The following COL15A1 variants were observed in gnomAD, a reference collection of about 807,000 sequenced individuals.
The protein encoded by COL15A1 is collagen type XV alpha 1 chain.
In COL15A1, 111 loss-of-function variants were observed where a neutral mutation model predicts 165.9. The observed-to-expected ratio is 0.67, with a 90% CI of 0.57 to 0.78. COL15A1 has a LOEUF of 0.78. COL15A1 is among the 30% of genes least tolerant of loss of function. COL15A1 has a pLI of 0.00. For synonymous variants in COL15A1, 659 were observed against 674.8 expected (o/e 0.98, Z 0.36); for missense variants, 1,745 against 1,789.7 (o/e 0.98, Z 0.45).
chr9:99,065,871 G>A (rs1402243067), intron 39 of COL15A1, among the ~76,000 whole-genome samples: 1 of 151,646 alleles, frequency 6.6e-6, no homozygotes, highest in Non-Finnish European at 1.5e-5. Context: ...GCTGGAAGCT[G>A]GAGAAGCAGA....
chr9:98,992,789 A>G (rs1838466916), intron 5 of COL15A1, among the ~76,000 whole-genome samples: 1 of 152,210 alleles, frequency 6.6e-6, no homozygotes. Context: ...CAGGGTAGTG[A>G]AGTCAGGACT....
chr9:98,953,803 T>C (rs1837730245), intron 2 of COL15A1, among the ~76,000 whole-genome samples: 1 of 152,186 alleles, frequency 6.6e-6, no homozygotes, highest in East Asian at 1.9e-4. Flanking sequence ...GGGACTCAAA[T>C]GGGGCCCAGC....
At chr9:98,985,032 T>G in intron 2 of COL15A1, among the ~76,000 whole-genome samples, 1 of 152,252 alleles carries the variant, frequency 6.6e-6, no homozygotes, top group Non-Finnish European at 1.5e-5. Flanking sequence ...CCTCAAGTGA[T>G]CCACCCACCT....
Position 98,973,472 on chromosome 9 carries a change from A to C in COL15A1, c.101-12093A>C, listed in dbSNP as rs193158054. 3.3e-5 allele frequency among the ~76,000 whole-genome samples: 5 copies of C among 152,364 alleles called. No homozygotes were observed. In the East Asian group the frequency reaches 9.6e-4, roughly 29 times the overall value. ...AGGATTTTTTCCCTGGCAAGGAAAC[A>C]GTTCTTTTTTAAGAAATGCATCGGG... On this transcript the variant is annotated intron_variant, in intron 2 of 41. Transcript: ENST00000375001.
At chr9:98,991,047 C>T (rs1838415257) in intron 5 of COL15A1, among the ~76,000 whole-genome samples, 1 of 152,272 alleles carries the variant, frequency 6.6e-6, no homozygotes, top group African/African-American at 2.4e-5. Flanking sequence ...GTTGTTTGTT[C>T]CTCCCGGTGG....
chr9:99,032,574 T>C (rs1053045048), intron 16 of COL15A1, among the ~76,000 whole-genome samples: 1 of 152,230 alleles, frequency 6.6e-6, no homozygotes, highest in African/African-American at 2.4e-5. Context: ...TGCCTTTTAA[T>C]CTGGAGACTT....
At chr9:98,991,326 T>G (rs1414735489) in intron 5 of COL15A1, among the ~76,000 whole-genome samples, 1 of 152,170 alleles carries the variant, frequency 6.6e-6, no homozygotes. Context: ...TACAGAGAGC[T>G]GATTGGTCCG....
chr9:99,031,231 C>CA (rs1839208998), intron 16 of COL15A1, among the ~76,000 whole-genome samples: 1 of 152,190 alleles, frequency 6.6e-6, no homozygotes, highest in African/African-American at 2.4e-5. Context: ...CCTGGTGCCT[C>CA]ACCTGGGAGC....
At chr9:99,055,198 G>C in intron 33 of COL15A1, 47 bp downstream of exon 33, 2 of 1,593,806 alleles carry the variant, frequency 1.3e-6, no homozygotes, top group African/African-American at 1.3e-5. Context: ...TCAGGTTTTG[G>C]TTTATGTCAG....
chr9:99,046,106 TG>T (rs139363996), intron 26 of COL15A1, among the ~76,000 whole-genome samples: 1,563 of 152,276 alleles, frequency 0.01, 21 homozygotes, highest in African/African-American at 0.036. Context: ...TAGTTAGTGG[TG>T]GGGGTCAGCA....
chr9:98,945,980 G>A (rs916762303), intron 2 of COL15A1, among the ~76,000 whole-genome samples: 6 of 152,202 alleles, frequency 3.9e-5, no homozygotes, highest in African/African-American at 1.4e-4. Flanking sequence ...GGGAGGGCCA[G>A]CAAACCTTCA....
chr9:99,015,770 G>T (rs1328274454), intron 10 of COL15A1, among the ~76,000 whole-genome samples: 1 of 152,236 alleles, frequency 6.6e-6, no homozygotes, highest in Admixed American at 6.5e-5. Flanking sequence ...CCTTGCCCAA[G>T]AATTTACTCA....
chr9:99,042,173 T>A, intron 24 of COL15A1, 66 bp downstream of exon 24: 1 of 1,097,860 alleles, frequency 9.1e-7, no homozygotes. Context: ...TCAGATTGGC[T>A]GAAAATAGCT....
chr9:98,999,623 G>A (rs1465001688), intron 6 of COL15A1, among the ~76,000 whole-genome samples: 1 of 149,384 alleles, frequency 6.7e-6, no homozygotes, highest in Non-Finnish European at 1.5e-5. Flanking sequence ...TCCCAGGCAT[G>A]AGCTCCCTCC....
rs1038854426 is a variant in COL15A1 at position 98,943,930 on chromosome 9, C to G, written c.-132C>G. ...GGATTCTGCCCGCCGCCGCCGCTGC[C>G]GAGCGCCGCCTTTGTTCCCTGCAGG... On this transcript the variant is annotated 5_prime_UTR_variant, in exon 1 of 42. Coordinates refer to ENST00000375001, the MANE Select transcript of COL15A1 (RefSeq NM_001855.5). 8 of 1,234,424 alleles carry G rather than the reference C, an allele frequency of 6.5e-6. No homozygotes were observed. The highest frequency in any genetic ancestry group is 2.8e-4 in the Middle Eastern group (1 of 3,606). The allele number at this position is 1,234,424 out of a possible 1,614,324, so 76.5% of individuals were successfully genotyped here. A position where few individuals can be genotyped will look rare whatever the true frequency, so the allele number is the denominator to read the frequency against.
intron 8 of COL15A1, 21 bp downstream of exon 8, chr9:99,003,608 G>C: frequency 6.9e-7 from 1 of 1,458,070 alleles, no homozygotes; most frequent in Non-Finnish European, 9.1e-7. Flanking sequence ...CAGAGCGCAA[G>C]CTCCCCTTCA....
chr9:98,943,971 G>C lies in COL15A1; in HGVS notation c.-91G>C. 4 of 1,554,710 alleles carry C rather than the reference G, an allele frequency of 2.6e-6. No homozygotes were observed. Among genetic ancestry groups the C allele is most frequent in the Non-Finnish European group, 3.5e-6 (4 of 1,138,158 alleles). On this transcript the variant is annotated 5_prime_UTR_variant, in exon 1 of 42. Coordinates refer to ENST00000375001, the MANE Select transcript of COL15A1 (RefSeq NM_001855.5). ...TCCCTGCAGGAAGGGCGAGCGCGGCGGCCAGCGCTCAGCGACCCTTCGTCC... is the reference window on the plus strand; with the variant it reads ...TCCCTGCAGGAAGGGCGAGCGCGGCCGCCAGCGCTCAGCGACCCTTCGTCC...
intron 31 of COL15A1, among the ~76,000 whole-genome samples, chr9:99,053,863 C>T (rs1401364359): frequency 6.6e-6 from 1 of 152,218 alleles, no homozygotes; most frequent in Admixed American, 6.5e-5. Flanking sequence ...TGATCTGTCA[C>T]ACCTCTTGGG....
At position 98,997,076 on chromosome 9, in the gene COL15A1, A is replaced by G; in HGVS notation, c.947A>G (p.Lys316Arg). The G allele has an allele frequency of 1.9e-6, 3 of 1,614,140 alleles. No homozygotes were observed. Among genetic ancestry groups the G allele is most frequent in the South Asian group, 2.2e-5 (2 of 91,068 alleles). Reference protein sequence around the residue: ...NMSIIQHSSPKQGSGEILNDT... With the variant: ...NMSIIQHSSPRQGSGEILNDT... ...AGCATCATCCAGCACAGCAGCCCCAAACAAGGCAAGTCCGGATGCACATGC... is the reference window on the plus strand; with the variant it reads ...AGCATCATCCAGCACAGCAGCCCCAGACAAGGCAAGTCCGGATGCACATGC... Residue 316 changes from lysine (K) to arginine (R), a missense_variant, in exon 6 of 42, where the codon AAA becomes AGA. Transcript: ENST00000375001.
Sources: allele counts gnomAD v4.1 joint callset (sites outside exome capture counted in the v4.1 genomes callset), GRCh38; gene constraint gnomAD v4.1.1; transcripts MANE v1.5; gene names NCBI Gene and HGNC (gene_info 2026-07-23, HGNC 2026-07-21).